CENPW: variants seen among roughly 807,000 people sequenced by gnomAD.
CENPW encodes the protein cancer-up-regulated gene 2 protein.
Under a neutral mutation model 11.1 loss-of-function variants are expected in CENPW, and 3 were observed. The ratio of observed to expected loss-of-function variants is 0.27; its 90% CI spans 0.12 to 0.70. CENPW has a LOEUF of 0.70. Ranked by LOEUF, CENPW falls within the 30% of genes least tolerant of loss-of-function variation. The pLI, the probability that CENPW is intolerant of heterozygous loss-of-function variation, is 0.77. For synonymous variants in CENPW, 38 were observed against 42.0 expected, an observed-to-expected ratio of 0.91 and a Z score of 0.37; for missense variants, 100 against 105.6, an observed-to-expected ratio of 0.95 and a Z score of 0.23.
At chr6:126,457,524 C>A in the CENPW span, among the ~76,000 whole-genome samples, 1 of 151,376 alleles carries the variant, frequency 6.6e-6, no homozygotes, top group Non-Finnish European at 1.5e-5. Context: ...TACACATGAA[C>A]ACAAACAAGG....
At chr6:126,412,507 C>T in the CENPW span, among the ~76,000 whole-genome samples, 1 of 152,048 alleles carries the variant, frequency 6.6e-6, no homozygotes, top group African/African-American at 2.4e-5. Context: ...CACATTATTA[C>T]TATGATGTGC....
At chr6:126,405,151 G>T in the CENPW span, among the ~76,000 whole-genome samples, 1 of 152,020 alleles carries the variant, frequency 6.6e-6, no homozygotes, top group Admixed American at 6.6e-5. Flanking sequence ...ATTTAAGACT[G>T]TATTCAATTT....
At chr6:126,475,163 G>A in the CENPW span, among the ~76,000 whole-genome samples, 1 of 151,980 alleles carries the variant, frequency 6.6e-6, no homozygotes, top group Non-Finnish European at 1.5e-5. Flanking sequence ...AAACTTGAGT[G>A]TCACCCTAAT....
chr6:126,440,440 T>G, the CENPW span, among the ~76,000 whole-genome samples: 1 of 151,666 alleles, frequency 6.6e-6, no homozygotes, highest in African/African-American at 2.4e-5. Flanking sequence ...AACATTTATG[T>G]TGTTTTACCC....
chr6:126,478,896 C>T, the CENPW span, among the ~76,000 whole-genome samples: 6 of 152,006 alleles, frequency 3.9e-5, no homozygotes, highest in Non-Finnish European at 7.4e-5. Context: ...AAAACTTTGG[C>T]TTCTGTAGCT....
chr6:126,443,180 T>A, the CENPW span, among the ~76,000 whole-genome samples: 3 of 151,278 alleles, frequency 2.0e-5, no homozygotes, highest in African/African-American at 7.3e-5. Flanking sequence ...AAGAATTAGT[T>A]TTTTCAAATC....
At chr6:126,428,142 G>A in the CENPW span, among the ~76,000 whole-genome samples, 1 of 152,080 alleles carries the variant, frequency 6.6e-6, no homozygotes, top group Non-Finnish European at 1.5e-5. Flanking sequence ...TTTGCCACAA[G>A]GCCCTGATCA....
At chr6:126,427,548 C>A in the CENPW span, among the ~76,000 whole-genome samples, 23 of 152,312 alleles carry the variant, frequency 1.5e-4, no homozygotes, top group African/African-American at 5.5e-4. Flanking sequence ...AGATAACCCT[C>A]CTTACACTAC....
the CENPW span, among the ~76,000 whole-genome samples, chr6:126,479,001 G>A: frequency 6.6e-6 from 1 of 152,038 alleles, no homozygotes; most frequent in Admixed American, 6.6e-5. Context: ...AGACTCCTCA[G>A]AGAGTCCTGC....
chr6:126,479,010 G>C, the CENPW span, among the ~76,000 whole-genome samples: 7 of 151,984 alleles, frequency 4.6e-5, no homozygotes, highest in African/African-American at 1.7e-4. Flanking sequence ...AGAGAGTCCT[G>C]CATACATTTG....
chr6:126,349,642 C>T (rs958835392), downstream of CENPW, among the ~76,000 whole-genome samples: 13 of 151,856 alleles, frequency 8.6e-5, no homozygotes, highest in African/African-American at 1.2e-4. Flanking sequence ...TAGTTTGTTC[C>T]GTTTTATTAC....
the CENPW span, among the ~76,000 whole-genome samples, chr6:126,421,038 A>G: frequency 6.6e-6 from 1 of 152,112 alleles, no homozygotes; most frequent in Admixed American, 6.6e-5. Context: ...TATCTGCTTG[A>G]AAGATCATTA....
the CENPW span, among the ~76,000 whole-genome samples, chr6:126,404,194 C>T: frequency 4.6e-5 from 7 of 152,030 alleles, no homozygotes. Flanking sequence ...CCTGGTCATC[C>T]AAGAGCTCTG....
the CENPW span, among the ~76,000 whole-genome samples, chr6:126,395,523 T>C: frequency 5.8e-4 from 89 of 152,348 alleles, no homozygotes; most frequent in African/African-American, 2.0e-3. Flanking sequence ...TCTTTGTCTC[T>C]CCAGGATTGG....
At chr6:126,394,063 G>C in the CENPW span, among the ~76,000 whole-genome samples, 1 of 151,750 alleles carries the variant, frequency 6.6e-6, no homozygotes, top group Admixed American at 6.6e-5. Flanking sequence ...CAGATCATTA[G>C]GTATTTTTAA....
intron 1 of CENPW, 66 bp downstream of exon 1, chr6:126,340,465 C>T (rs1780281350): frequency 1.2e-6 from 2 of 1,610,996 alleles, no homozygotes; most frequent in African/African-American, 2.7e-5. Context: ...TAACCTTAAG[C>T]CTTTGTTTTT....
At chr6:126,355,819 C>G in the CENPW span, among the ~76,000 whole-genome samples, 1 of 152,096 alleles carries the variant, frequency 6.6e-6, no homozygotes, top group South Asian at 2.1e-4. Flanking sequence ...GGAAGCTCTT[C>G]TAGGACAAGA....
the CENPW span, among the ~76,000 whole-genome samples, chr6:126,409,492 A>T: frequency 3.3e-5 from 5 of 152,118 alleles, no homozygotes; most frequent in Admixed American, 3.3e-4. Flanking sequence ...TAGATTATGT[A>T]TCCAAAGCTG....
the CENPW span, among the ~76,000 whole-genome samples, chr6:126,423,717 TA>T: frequency 1.3e-5 from 2 of 152,010 alleles, no homozygotes; most frequent in Admixed American, 6.6e-5. Flanking sequence ...AGAACACTGC[TA>T]TTGGTAAAAG....
Sources: gnomAD v4.1 joint callset for allele counts (sites outside exome capture counted in the v4.1 genomes callset) on GRCh38, gnomAD v4.1.1 for gene constraint, MANE v1.5 for transcripts, NCBI Gene and HGNC (gene_info 2026-07-23, HGNC 2026-07-21) for gene names.